Variants in SND1 observed in about 807,000 individuals in gnomAD.
SND1 encodes the protein staphylococcal nuclease and tudor domain containing 1.
SND1 carries 38 observed loss-of-function variants against 121.7 expected under a neutral mutation model. That is an observed-to-expected ratio of 0.31 (90% CI 0.24 to 0.41). The LOEUF (loss-of-function observed/expected upper bound fraction) is 0.41, where lower values mean the gene tolerates loss of function less well. Among genes scored for constraint, SND1 ranks in the 10% least tolerant of loss-of-function variants. The probability of loss-of-function intolerance (pLI) is 1.00; values close to 1 mark genes in which losing one functional copy is unlikely to be tolerated. For synonymous variants in SND1, 401 were observed against 447.4 expected (o/e 0.90, Z 1.31); for missense variants, 868 against 1,184.6 (o/e 0.73, Z 3.92).
chr7:127,982,283 G>C (rs181324047), intron 15 of SND1, among the ~76,000 whole-genome samples: 1 of 152,114 alleles, frequency 6.6e-6, no homozygotes, highest in African/African-American at 2.4e-5. Context: ...TCAGTGCCTG[G>C]TCTTTCAACA....
intron 11 of SND1, among the ~76,000 whole-genome samples, chr7:127,825,255 C>T (rs1044583677): frequency 9.2e-5 from 14 of 152,042 alleles, no homozygotes; most frequent in Non-Finnish European, 1.6e-4. Flanking sequence ...GGACTACAGG[C>T]GCATGCCACC....
chr7:128,072,191 C>T (rs887105655), intron 16 of SND1, among the ~76,000 whole-genome samples: 1 of 152,196 alleles, frequency 6.6e-6, no homozygotes. Flanking sequence ...AGCAACTGTG[C>T]GTGCCTGGTT....
chr7:127,701,023 C>A, intron 4 of SND1, 140 bp from the exon 5 acceptor site: 1 of 854,788 alleles, frequency 1.2e-6, no homozygotes, highest in Admixed American at 2.6e-5. Flanking sequence ...TGGTTATAGG[C>A]TTGGGTCTTA....
chr7:127,969,682 C>T (rs1406337295), intron 15 of SND1, among the ~76,000 whole-genome samples: 1 of 152,106 alleles, frequency 6.6e-6, no homozygotes, highest in African/African-American at 2.4e-5. Context: ...GAGCTGAGAT[C>T]GCACCACTGC....
intron 11 of SND1, among the ~76,000 whole-genome samples, chr7:127,828,703 G>A (rs545635061): frequency 2.6e-5 from 4 of 152,148 alleles, no homozygotes; most frequent in South Asian, 2.1e-4. Context: ...CTGCTTTCTT[G>A]GGCTGGTCTT....
In SND1 at chr7:128,029,997, G is replaced by C. The variant is rs777831867; in HGVS notation, c.1779+38941G>C. ...CAGCTCCTCCAGCCCCACCAGGGGG[G>C]TGAGATTGGGCATGTCTTTAATGTT... On this transcript the variant is annotated intron_variant, in intron 16 of 23. Coordinates refer to ENST00000354725, the MANE Select transcript of SND1 (RefSeq NM_014390.4). The surrounding 1 kb of genome is among the most constrained non-coding windows in gnomAD (Gnocchi z 4.2). The C allele has an allele frequency of 1.2e-6, 2 of 1,613,176 alleles. No homozygotes were observed. The highest frequency in any genetic ancestry group is 2.2e-5 in the East Asian group (1 of 44,878).
At chr7:127,844,039 A>G (rs1035573553) in intron 11 of SND1, among the ~76,000 whole-genome samples, 6 of 152,126 alleles carry the variant, frequency 3.9e-5, no homozygotes, top group African/African-American at 1.4e-4. Flanking sequence ...TTCTTTAGTA[A>G]GCTGTTTGGA....
At chr7:127,879,192 A>G (rs1305455208) in intron 12 of SND1, among the ~76,000 whole-genome samples, 2 of 152,070 alleles carry the variant, frequency 1.3e-5, no homozygotes, top group Non-Finnish European at 2.9e-5. Context: ...CTCAACTATA[A>G]TTTTTGCCCT....
intron 11 of SND1, among the ~76,000 whole-genome samples, chr7:127,825,256 G>A (rs1313661399): frequency 1.3e-5 from 2 of 152,028 alleles, no homozygotes; most frequent in African/African-American, 2.4e-5. Context: ...GACTACAGGC[G>A]CATGCCACCA....
intron 11 of SND1, among the ~76,000 whole-genome samples, chr7:127,824,540 A>G (rs1216656129): frequency 4.6e-5 from 7 of 152,200 alleles, no homozygotes; most frequent in Non-Finnish European, 7.4e-5. Context: ...TCAGCTCTGT[A>G]TAGCCTAGAA....
chr7:127,661,585 G>A (rs893274691), intron 1 of SND1, among the ~76,000 whole-genome samples: 3 of 152,040 alleles, frequency 2.0e-5, no homozygotes, highest in Non-Finnish European at 4.4e-5. Flanking sequence ...CCACTAGCTT[G>A]TCTAATATGG....
intron 13 of SND1, among the ~76,000 whole-genome samples, chr7:127,895,971 G>A (rs766629932): frequency 2.6e-5 from 4 of 151,980 alleles, no homozygotes; most frequent in Middle Eastern, 3.2e-3. Flanking sequence ...TATAGCTGAC[G>A]CCCTTTAGCT....
intron 11 of SND1, among the ~76,000 whole-genome samples, chr7:127,812,004 TTTG>T (rs955994242): frequency 6.6e-6 from 1 of 152,210 alleles, no homozygotes; most frequent in African/African-American, 2.4e-5. Context: ...CTCTGAGAAC[TTTG>T]TTTTCACTTT....
intron 11 of SND1, among the ~76,000 whole-genome samples, chr7:127,828,050 G>A (rs1280618784): frequency 1.3e-5 from 2 of 152,076 alleles, no homozygotes; most frequent in East Asian, 3.9e-4. Flanking sequence ...AGGCTGGAGT[G>A]CAACGGCATG....
At chr7:128,005,962 T>C (rs1161434466) in intron 16 of SND1, among the ~76,000 whole-genome samples, 2 of 152,022 alleles carry the variant, frequency 1.3e-5, no homozygotes, top group Non-Finnish European at 2.9e-5. Flanking sequence ...GTAAAATGAG[T>C]GTGCTGAGTG....
At chr7:127,913,416 T>C (rs1800502033) in intron 14 of SND1, among the ~76,000 whole-genome samples, 1 of 152,210 alleles carries the variant, frequency 6.6e-6, no homozygotes, top group Non-Finnish European at 1.5e-5. Context: ...TCTTCTTTGT[T>C]CAAAGACATG....
At chr7:127,845,263 G>A (rs999696442) in intron 12 of SND1, among the ~76,000 whole-genome samples, 4 of 152,222 alleles carry the variant, frequency 2.6e-5, no homozygotes, top group South Asian at 2.1e-4. Flanking sequence ...GCATTTTGTA[G>A]CTGCTTAGCT....
intron 10 of SND1, among the ~76,000 whole-genome samples, chr7:127,801,021 A>T (rs1764221514): frequency 1.3e-5 from 2 of 152,192 alleles, no homozygotes; most frequent in Non-Finnish European, 1.5e-5. Context: ...ACTACTGTGT[A>T]TTCCATTGGG....
intron 15 of SND1, among the ~76,000 whole-genome samples, chr7:127,963,273 C>G: frequency 6.8e-6 from 1 of 147,520 alleles, no homozygotes; most frequent in African/African-American, 2.5e-5. Flanking sequence ...TTTAATTATA[C>G]TTTAAGTTTT....
Sources: gnomAD v4.1 joint callset for allele counts (sites outside exome capture counted in the v4.1 genomes callset) on GRCh38, gnomAD v4.1.1 for gene constraint, Gnocchi (gnomAD v3.1) non-coding constraint, MANE v1.5 for transcripts, NCBI Gene and HGNC (gene_info 2026-07-23, HGNC 2026-07-21) for gene names.